The following HDAC4 variants were observed in gnomAD, a reference collection of about 807,000 sequenced individuals.
The protein encoded by HDAC4 is histone deacetylase 4.
A neutral mutation model predicts 135.1 loss-of-function variants in HDAC4; 16 were observed. The ratio of observed to expected loss-of-function variants is 0.12; its 90% CI spans 0.08 to 0.18. The LOEUF is 0.18. Among genes scored for constraint, HDAC4 ranks in the 10% least tolerant of loss-of-function variants. HDAC4 has a pLI of 1.00. For missense variants in HDAC4, 1,143 were observed against 1,511.8 expected (o/e 0.76, Z 4.05); for synonymous variants, 685 against 653.4 (o/e 1.05, Z -0.74).
chr2:239,242,977 C>T (rs1229647429), intron 2 of HDAC4, among the ~76,000 whole-genome samples: 1 of 152,076 alleles, frequency 6.6e-6, no homozygotes, highest in Non-Finnish European at 1.5e-5. Context: ...CCAGCGTGGT[C>T]AGGCCCAGGG....
At chr2:239,122,843 C>G (rs762896995) in intron 12 of HDAC4, among the ~76,000 whole-genome samples, 2 of 152,226 alleles carry the variant, frequency 1.3e-5, no homozygotes, top group African/African-American at 2.4e-5. Context: ...CCGGCCCCAG[C>G]TGCAACCCCA....
intron 4 of HDAC4, among the ~76,000 whole-genome samples, chr2:239,177,190 C>T (rs148786233): frequency 1.7e-4 from 26 of 152,296 alleles, no homozygotes; most frequent in African/African-American, 6.3e-4. Context: ...AGGTGAACTG[C>T]TAAACAGCAG....
chr2:239,395,140 T>G (rs1200133800), intron 1 of HDAC4, among the ~76,000 whole-genome samples: 1 of 152,158 alleles, frequency 6.6e-6, no homozygotes, highest in African/African-American at 2.4e-5. Flanking sequence ...CAAAGGGGAC[T>G]TAGAGAGAGC....
chr2:239,067,001 G>T, intron 23 of HDAC4, 146 bp from the exon 24 acceptor site: 2 of 941,078 alleles, frequency 2.1e-6, no homozygotes, highest in Non-Finnish European at 1.6e-6. Flanking sequence ...TAATAAATTC[G>T]CTGAAGAGTT....
chr2:239,282,240 TACAATGTACACACCACTCTACAC>T (rs1559323807), intron 2 of HDAC4, among the ~76,000 whole-genome samples: 35 of 113,290 alleles, frequency 3.1e-4, no homozygotes, highest in African/African-American at 1.4e-3. Flanking sequence ...CACACCACTC[TACAATGTACACACCACTCTACAC>T]ACAATGTACA....
intron 2 of HDAC4, among the ~76,000 whole-genome samples, chr2:239,296,912 C>T (rs2051930317): frequency 6.6e-6 from 1 of 151,296 alleles, no homozygotes; most frequent in Non-Finnish European, 1.5e-5. Flanking sequence ...TTTCCCTCAA[C>T]ATTCAATATT....
At chr2:239,114,794 C>A (rs1241303359) in intron 13 of HDAC4, among the ~76,000 whole-genome samples, 1 of 152,190 alleles carries the variant, frequency 6.6e-6, no homozygotes, top group Non-Finnish European at 1.5e-5. Flanking sequence ...GAAATCCATT[C>A]TCTGGGGCCT....
At chr2:239,069,908 A>G (rs2033991797) in intron 22 of HDAC4, among the ~76,000 whole-genome samples, 1 of 152,208 alleles carries the variant, frequency 6.6e-6, no homozygotes, top group South Asian at 2.1e-4. Flanking sequence ...CCCATGGGAC[A>G]AGCTGCATTA....
intron 12 of HDAC4, among the ~76,000 whole-genome samples, chr2:239,120,402 G>GACGCACACAC (rs2039553950): frequency 1.9e-4 from 13 of 68,270 alleles, no homozygotes; most frequent in African/African-American, 3.6e-4. Flanking sequence ...GACGCACACA[G>GACGCACACAC]ACACACACAC....
chr2:239,066,593 G>A (rs926592225), intron 24 of HDAC4, 129 bp downstream of exon 24: 29 of 1,229,374 alleles, frequency 2.4e-5, no homozygotes, highest in African/African-American at 1.2e-4. Context: ...GGTGCAAGGC[G>A]GAGCTGCAAG....
intron 1 of HDAC4, among the ~76,000 whole-genome samples, chr2:239,382,300 T>C (rs1260932493): frequency 2.6e-5 from 4 of 152,264 alleles, no homozygotes; most frequent in Non-Finnish European, 5.9e-5. Context: ...CTGTCTTTTA[T>C]TATCAAAGCA....
intron 22 of HDAC4, among the ~76,000 whole-genome samples, chr2:239,077,239 C>T (rs1382514460): frequency 6.6e-6 from 1 of 152,258 alleles, no homozygotes; most frequent in Non-Finnish European, 1.5e-5. Flanking sequence ...GTGGATGCAG[C>T]CCAGGTGAGC....
chr2:239,207,915 C>T (rs1319672883), intron 3 of HDAC4, among the ~76,000 whole-genome samples: 1 of 152,132 alleles, frequency 6.6e-6, no homozygotes, highest in Non-Finnish European at 1.5e-5. Flanking sequence ...AGAAAAATTA[C>T]AGTCTTGGTC....
At chr2:239,268,141 C>T (rs1212221948) in intron 2 of HDAC4, among the ~76,000 whole-genome samples, 2 of 152,254 alleles carry the variant, frequency 1.3e-5, no homozygotes, top group Non-Finnish European at 2.9e-5. Context: ...TCATCCCATT[C>T]TCGCTGCTGA....
chr2:239,229,938 C>G (rs533220814), intron 3 of HDAC4, among the ~76,000 whole-genome samples: 8 of 152,258 alleles, frequency 5.3e-5, no homozygotes, highest in South Asian at 4.1e-4. Flanking sequence ...AATTTCCCCC[C>G]CAAGAGGCAG....
chr2:239,082,153 G>C lies in HDAC4; in HGVS notation c.2601C>G (p.Leu867=), dbSNP rs774683632. 6.2e-7 allele frequency: 1 copy of C among 1,614,190 alleles called. No individual in the cohort carries two copies. The highest frequency in any genetic ancestry group is 1.7e-5 in the Admixed American group (1 of 60,034). Residue 867 remains leucine, a synonymous_variant, in exon 21 of 27, where the codon CTC becomes CTG. Coordinates refer to ENST00000543185, the MANE Select transcript of HDAC4 (RefSeq NM_001378414.1). ...YSDPSVLYMS[L]HRYDDGNFFP... ...AGAAGTTCCCATCGTCGTAGCGGTGGAGGGACATGTACAGGACGCTGGGGT... is the reference window on the plus strand; with the variant it reads ...AGAAGTTCCCATCGTCGTAGCGGTGCAGGGACATGTACAGGACGCTGGGGT...
At chr2:239,261,910 G>A (rs987593043) in intron 2 of HDAC4, among the ~76,000 whole-genome samples, 26 of 152,340 alleles carry the variant, frequency 1.7e-4, no homozygotes, top group East Asian at 1.4e-3. Context: ...TGAGAGTCTC[G>A]AAAAGCCTAT....
At chr2:239,353,112 C>T (rs772716139) in intron 1 of HDAC4, among the ~76,000 whole-genome samples, 194 bp from the exon 2 acceptor site, 1 of 152,174 alleles carries the variant, frequency 6.6e-6, no homozygotes, top group African/African-American at 2.4e-5. Context: ...ACCCTGGGTT[C>T]GAGCAATTCT....
intron 2 of HDAC4, among the ~76,000 whole-genome samples, chr2:239,271,670 G>A (rs749622201): frequency 3.3e-5 from 5 of 152,214 alleles, no homozygotes; most frequent in African/African-American, 7.2e-5. Flanking sequence ...GGCTGAGGCC[G>A]GCACAGCTGC....
Sources: gnomAD v4.1 joint callset for allele counts (sites outside exome capture counted in the v4.1 genomes callset) on GRCh38, gnomAD v4.1.1 for gene constraint, MANE v1.5 for transcripts, NCBI Gene and HGNC (gene_info 2026-07-23, HGNC 2026-07-21) for gene names.